The following DNAJC1 variants were observed in gnomAD, a reference collection of about 807,000 sequenced individuals.
DNAJC1 encodes the protein dnaJ homolog subfamily C member 1.
A neutral mutation model predicts 76.6 loss-of-function variants in DNAJC1; 58 were observed. The observed-to-expected ratio is 0.76, with a 90% CI of 0.61 to 0.94. DNAJC1 has a LOEUF of 0.94. DNAJC1 is among the 40% of genes least tolerant of loss of function. DNAJC1 has a pLI of 0.00. For synonymous variants in DNAJC1, 258 were observed against 267.9 expected, an observed-to-expected ratio of 0.96 and a Z score of 0.36; for missense variants, 689 against 677.3, an observed-to-expected ratio of 1.02 and a Z score of -0.19.
chr10:21,943,161 A>C (rs1837447176), intron 1 of DNAJC1, among the ~76,000 whole-genome samples: 1 of 152,202 alleles, frequency 6.6e-6, no homozygotes, highest in Non-Finnish European at 1.5e-5. Context: ...CATGCAGCTA[A>C]CAAGACAAAC....
chr10:21,844,120 C>T (rs1229035697), intron 8 of DNAJC1, among the ~76,000 whole-genome samples: 3 of 152,142 alleles, frequency 2.0e-5, no homozygotes, highest in Admixed American at 2.0e-4. Flanking sequence ...ACCTCCCCAG[C>T]CAAGTGGAAC....
At chr10:21,841,710 C>T (rs958052533) in intron 8 of DNAJC1, among the ~76,000 whole-genome samples, 3 of 152,150 alleles carry the variant, frequency 2.0e-5, no homozygotes, top group African/African-American at 7.2e-5. Flanking sequence ...CCTCAGGGAT[C>T]TAGAACTAGA....
intron 8 of DNAJC1, 132 bp from the exon 9 acceptor site, chr10:21,806,231 C>G: frequency 3.0e-6 from 3 of 992,604 alleles, no homozygotes; most frequent in Admixed American, 5.6e-5. Context: ...CTGTAAAAAA[C>G]AATACTAAAT....
At chr10:22,002,357 G>A (rs1282927818) in intron 1 of DNAJC1, among the ~76,000 whole-genome samples, 1 of 152,114 alleles carries the variant, frequency 6.6e-6, no homozygotes, top group East Asian at 1.9e-4. Flanking sequence ...GCTTCAGGTA[G>A]AGACTGGATA....
At chr10:21,808,101 T>A (rs745900442) in intron 8 of DNAJC1, among the ~76,000 whole-genome samples, 1 of 152,144 alleles carries the variant, frequency 6.6e-6, no homozygotes, top group Admixed American at 6.5e-5. Context: ...AAGTTGATCA[T>A]TGCATAAAGA....
chr10:21,939,344 T>C (rs565323312), intron 1 of DNAJC1, among the ~76,000 whole-genome samples: 17 of 152,306 alleles, frequency 1.1e-4, no homozygotes, highest in African/African-American at 3.6e-4. Flanking sequence ...CAAACTCTAA[T>C]TGACATCTGG....
intron 1 of DNAJC1, among the ~76,000 whole-genome samples, chr10:21,965,052 T>C (rs1837868958): frequency 6.6e-6 from 1 of 152,226 alleles, no homozygotes. Context: ...AGTCACTATC[T>C]TTCAATCTTG....
At chr10:21,953,537 G>A (rs1418621408) in intron 1 of DNAJC1, among the ~76,000 whole-genome samples, 1 of 151,398 alleles carries the variant, frequency 6.6e-6, no homozygotes, top group African/African-American at 2.4e-5. Flanking sequence ...ATCCATTCTG[G>A]ATTTAATATA....
At chr10:21,963,932 T>C (rs1337554255) in intron 1 of DNAJC1, among the ~76,000 whole-genome samples, 1 of 152,214 alleles carries the variant, frequency 6.6e-6, no homozygotes, top group Non-Finnish European at 1.5e-5. Flanking sequence ...TCTGTTTATT[T>C]GTTTTCCTAA....
At chr10:21,880,620 T>C (rs1483034240) in intron 8 of DNAJC1, among the ~76,000 whole-genome samples, 3 of 152,088 alleles carry the variant, frequency 2.0e-5, no homozygotes, top group Non-Finnish European at 2.9e-5. Flanking sequence ...GAAAAAAATA[T>C]TTTTTTACTG....
intron 3 of DNAJC1, among the ~76,000 whole-genome samples, chr10:21,923,544 A>G (rs939798683): frequency 1.3e-5 from 2 of 151,996 alleles, no homozygotes; most frequent in African/African-American, 4.8e-5. Context: ...AGCCAGATTA[A>G]GAATGTATAA....
intron 1 of DNAJC1, among the ~76,000 whole-genome samples, chr10:21,931,986 TGAA>T (rs1293953564): frequency 1.3e-5 from 2 of 152,114 alleles, no homozygotes; most frequent in East Asian, 3.9e-4. Flanking sequence ...GTGACCTCTA[TGAA>T]GAAGAAATGT....
intron 8 of DNAJC1, among the ~76,000 whole-genome samples, chr10:21,810,109 A>T (rs1169963535): frequency 6.6e-6 from 1 of 152,104 alleles, no homozygotes; most frequent in Non-Finnish European, 1.5e-5. Flanking sequence ...TCACATTGGG[A>T]GTTAGGGCTT....
intron 1 of DNAJC1, among the ~76,000 whole-genome samples, chr10:22,000,372 A>T (rs552235302): frequency 6.6e-6 from 1 of 152,240 alleles, no homozygotes; most frequent in African/African-American, 2.4e-5. Context: ...CCCCCAACTT[A>T]CTTATAAGTA....
chr10:21,907,996 T>G lies in DNAJC1; in HGVS notation c.730-3384A>C, dbSNP rs1249649975. The stretch of plus-strand genomic sequence containing the variant: ...CTGTCTGAAATATATGAAATATATA[T>G]GAAATATATTATATATAATAATATA... On this transcript the variant is annotated intron_variant, in intron 6 of 11. Transcript: ENST00000376980. 2.7e-5 allele frequency among the ~76,000 whole-genome samples: 3 copies of G among 112,412 alleles called. No individual in the cohort carries two copies. In the Admixed American group the frequency reaches 4.0e-4, roughly 15 times the overall value. The allele number at this position is 112,412 out of a possible 152,430, so 73.7% of individuals were successfully genotyped here.
At chr10:21,804,087 G>C (rs947385014) in intron 9 of DNAJC1, 1 of 388,360 alleles carries the variant, frequency 2.6e-6, no homozygotes, top group African/African-American at 2.2e-5. Flanking sequence ...TATATACTAG[G>C]ATCTATGAGG....
intron 1 of DNAJC1, among the ~76,000 whole-genome samples, chr10:22,002,806 C>T (rs1421981621): frequency 6.6e-6 from 1 of 151,690 alleles, no homozygotes; most frequent in African/African-American, 2.4e-5. Context: ...TGAGAAGCGG[C>T]TGCTCTTTCT....
intron 8 of DNAJC1, among the ~76,000 whole-genome samples, chr10:21,826,561 T>C (rs1038412104): frequency 6.6e-6 from 1 of 152,240 alleles, no homozygotes; most frequent in African/African-American, 2.4e-5. Context: ...TGCTGTCATA[T>C]ACACGAAAAC....
chr10:21,868,235 C>T (rs1227945541), intron 8 of DNAJC1, among the ~76,000 whole-genome samples: 1 of 150,366 alleles, frequency 6.7e-6, no homozygotes, highest in East Asian at 2.0e-4. Context: ...AGTGATTCTC[C>T]TGCCTCAGCC....
Sources: allele counts gnomAD v4.1 joint callset (sites outside exome capture counted in the v4.1 genomes callset), GRCh38; gene constraint gnomAD v4.1.1; transcripts MANE v1.5; gene names NCBI Gene and HGNC (gene_info 2026-07-23, HGNC 2026-07-21).